The following ANGPT1 variants were observed in gnomAD, a reference collection of about 807,000 sequenced individuals.
ANGPT1 encodes angiopoietin-1.
In ANGPT1, 17 loss-of-function variants were observed where a neutral mutation model predicts 62.2. The ratio of observed to expected loss-of-function variants is 0.27; its 90% CI spans 0.19 to 0.41. ANGPT1 has a LOEUF of 0.41. Ranked by LOEUF, ANGPT1 falls within the 10% of genes least tolerant of loss-of-function variation. ANGPT1 has a pLI of 1.00. For missense variants in ANGPT1, 478 were observed against 594.9 expected (o/e 0.80, Z 2.04); for synonymous variants, 199 against 198.9 (o/e 1.00, Z 0.00).
At chr8:107,315,321 A>C (rs1056715320) in intron 4 of ANGPT1, among the ~76,000 whole-genome samples, 1 of 152,174 alleles carries the variant, frequency 6.6e-6, no homozygotes, top group African/African-American at 2.4e-5. Flanking sequence ...CTTGTCTCTC[A>C]GTACTTATTT....
At chr8:107,258,381 T>A (rs965270367) in intron 8 of ANGPT1, among the ~76,000 whole-genome samples, 1 of 152,216 alleles carries the variant, frequency 6.6e-6, no homozygotes, top group African/African-American at 2.4e-5. Flanking sequence ...GGAAGCTTCA[T>A]ATATGTTATT....
chr8:107,391,756 T>C (rs1586283756), intron 1 of ANGPT1, among the ~76,000 whole-genome samples: 1 of 152,220 alleles, frequency 6.6e-6, no homozygotes, highest in Admixed American at 6.5e-5. Flanking sequence ...CTGTATGGTA[T>C]AGTCCACTGA....
intron 1 of ANGPT1, among the ~76,000 whole-genome samples, chr8:107,476,782 C>A (rs917764531): frequency 6.6e-6 from 1 of 152,078 alleles, no homozygotes; most frequent in Non-Finnish European, 1.5e-5. Context: ...TACGTATTGC[C>A]TGAGCAAAGC....
Position 107,362,854 on chromosome 8 carries a change from G to A in ANGPT1, c.298-15757C>T, listed in dbSNP as rs911148424. ...TCCCAGAAGACATACAGTTACATGA[G>A]GCTTACCCAGCTTGTCTAGGATTGG... On this transcript the variant is annotated intron_variant, in intron 1 of 8. Coordinates refer to ENST00000517746, the MANE Select transcript of ANGPT1 (RefSeq NM_001146.5). Among the ~76,000 whole-genome samples, 15 of 152,224 alleles carry A rather than the reference G, an allele frequency of 9.9e-5. 1 individual carries two copies. The highest frequency in any genetic ancestry group is 3.1e-4 in the African/African-American group (13 of 41,548).
chr8:107,463,565 C>G (rs1812125140), intron 1 of ANGPT1, among the ~76,000 whole-genome samples: 1 of 152,094 alleles, frequency 6.6e-6, no homozygotes. Flanking sequence ...ACACAACAGT[C>G]TGTGAGTAAA....
At chr8:107,282,536 A>C (rs1291527382) in intron 7 of ANGPT1, among the ~76,000 whole-genome samples, 2 of 130,094 alleles carry the variant, frequency 1.5e-5, no homozygotes, top group African/African-American at 5.6e-5. Context: ...TATTATATAT[A>C]TATTACATAT....
chr8:107,274,368 A>T (rs2130084708), intron 7 of ANGPT1, among the ~76,000 whole-genome samples: 1 of 152,268 alleles, frequency 6.6e-6, no homozygotes, highest in African/African-American at 2.4e-5. Flanking sequence ...AACTATAATA[A>T]CTTTTAAGAG....
At chr8:107,336,423 T>C (rs1003919381) in intron 2 of ANGPT1, 152 bp from the exon 3 acceptor site, 1 of 1,221,800 alleles carries the variant, frequency 8.2e-7, no homozygotes, top group African/African-American at 1.6e-5. Flanking sequence ...CCCAGCACTT[T>C]GGGAGGCCAA....
intron 1 of ANGPT1, among the ~76,000 whole-genome samples, chr8:107,436,247 G>T (rs566427114): frequency 6.6e-6 from 1 of 152,104 alleles, no homozygotes. Flanking sequence ...AATCAGAAAA[G>T]GTAAGTCCTT....
chr8:107,303,441 G>A, intron 4 of ANGPT1, 74 bp from the exon 5 acceptor site: 1 of 1,259,784 alleles, frequency 7.9e-7, no homozygotes, highest in Non-Finnish European at 1.1e-6. Flanking sequence ...TCCAATAATA[G>A]CTAAGCATGT....
intron 1 of ANGPT1, among the ~76,000 whole-genome samples, chr8:107,461,195 A>G (rs1812062471): frequency 6.6e-6 from 1 of 152,152 alleles, no homozygotes; most frequent in Non-Finnish European, 1.5e-5. Flanking sequence ...CTTGACCTAC[A>G]GACCCTTGGG....
chr8:107,472,511 T>C (rs770176598), intron 1 of ANGPT1, among the ~76,000 whole-genome samples: 1 of 152,132 alleles, frequency 6.6e-6, no homozygotes, highest in African/African-American at 2.4e-5. Context: ...GAAAGGTACT[T>C]AACGTTTGTT....
At chr8:107,285,102 A>T (rs995644105) in intron 6 of ANGPT1, among the ~76,000 whole-genome samples, 4 of 152,154 alleles carry the variant, frequency 2.6e-5, no homozygotes, top group African/African-American at 9.7e-5. Flanking sequence ...CATTTTGTAT[A>T]AAATAAATCT....
intron 1 of ANGPT1, among the ~76,000 whole-genome samples, chr8:107,417,377 G>A (rs75439722): frequency 0.012 from 1,767 of 152,248 alleles, 15 homozygotes; most frequent in Non-Finnish European, 0.018. Context: ...GTTATCACAT[G>A]CTACAGCCCC....
chr8:107,468,299 A>G (rs184077522), intron 1 of ANGPT1, among the ~76,000 whole-genome samples: 1 of 152,162 alleles, frequency 6.6e-6, no homozygotes, highest in African/African-American at 2.4e-5. Flanking sequence ...GAAATGGGGT[A>G]CTTTCGTTGC....
chr8:107,311,932 C>G (rs1006890724), intron 4 of ANGPT1, among the ~76,000 whole-genome samples: 5 of 151,884 alleles, frequency 3.3e-5, no homozygotes, highest in African/African-American at 1.2e-4. Context: ...GGCGTGGTGG[C>G]GGGCGCCTGT....
At chr8:107,339,080 C>G (rs148760664) in intron 2 of ANGPT1, among the ~76,000 whole-genome samples, 6 of 152,322 alleles carry the variant, frequency 3.9e-5, no homozygotes, top group African/African-American at 1.4e-4. Context: ...TCCTCCATGT[C>G]CATTGAGAAC....
At chr8:107,360,623 C>G (rs1025346187) in intron 1 of ANGPT1, among the ~76,000 whole-genome samples, 15 of 152,086 alleles carry the variant, frequency 9.9e-5, no homozygotes, top group African/African-American at 3.6e-4. Context: ...TTATCCACAG[C>G]CCATACCTCT....
chr8:107,276,817 T>G (rs2130098410), intron 7 of ANGPT1, among the ~76,000 whole-genome samples: 1 of 152,288 alleles, frequency 6.6e-6, no homozygotes, highest in East Asian at 1.9e-4. Flanking sequence ...TACATCAAAC[T>G]ACTTCCCAAT....
Sources: allele counts gnomAD v4.1 joint callset (sites outside exome capture counted in the v4.1 genomes callset), GRCh38; gene constraint gnomAD v4.1.1; transcripts MANE v1.5; gene names NCBI Gene and HGNC (gene_info 2026-07-23, HGNC 2026-07-21).